Variants in TLE4 observed in about 807,000 individuals in gnomAD.
The protein encoded by TLE4 is transducin-like enhancer protein 4.
A neutral mutation model predicts 92.8 loss-of-function variants in TLE4; 8 were observed. The ratio of observed to expected loss-of-function variants is 0.09; its 90% CI spans 0.05 to 0.16. The LOEUF is 0.16. Ranked by LOEUF, TLE4 falls within the 10% of genes least tolerant of loss-of-function variation. The pLI, the probability that TLE4 is intolerant of heterozygous loss-of-function variation, is 1.00. For synonymous variants in TLE4, 371 were observed against 374.1 expected, an observed-to-expected ratio of 0.99 and a Z score of 0.10; for missense variants, 675 against 997.6, an observed-to-expected ratio of 0.68 and a Z score of 4.36.
At chr9:79,720,757 T>TA (rs1255721863) in intron 16 of TLE4, among the ~76,000 whole-genome samples, 1 of 152,128 alleles carries the variant, frequency 6.6e-6, no homozygotes, top group East Asian at 1.9e-4. Flanking sequence ...TTGAGTGCCA[T>TA]ACACATCTAA....
At chr9:79,655,446 ATTT>A (rs201030199) in intron 8 of TLE4, among the ~76,000 whole-genome samples, 1 of 151,546 alleles carries the variant, frequency 6.6e-6, no homozygotes, top group Non-Finnish European at 1.5e-5. Context: ...AATTAAAGGA[ATTT>A]TTTTTTCAGA....
chr9:79,617,884 A>G (rs1283977323), intron 5 of TLE4, among the ~76,000 whole-genome samples: 3 of 152,042 alleles, frequency 2.0e-5, no homozygotes, highest in Non-Finnish European at 2.9e-5. Context: ...AACAGTTGAC[A>G]GCGAAGCCAT....
At chr9:79,656,188 A>G (rs1232369216) in intron 8 of TLE4, among the ~76,000 whole-genome samples, 1 of 152,144 alleles carries the variant, frequency 6.6e-6, no homozygotes, top group African/African-American at 2.4e-5. Flanking sequence ...GTGTTCTGTG[A>G]TGCTCAGAGA....
chr9:79,708,738 A>AGCTGCTGCCGCCGCC lies in TLE4; in HGVS notation c.1224_1238dup (p.Ala411_Ala415dup). On this transcript the variant is annotated inframe_insertion, in exon 13 of 20. Transcript: ENST00000376552. ...ACAACATCTCCCCTCAGATGAGCGC[A>AGCTGCTGCCGCCGCC]GCTGCTGCCGCCGCCGCTGCTGCTG... 1.2e-6 allele frequency: 2 copies of AGCTGCTGCCGCCGCC among 1,610,626 alleles called. No homozygotes were observed. The highest frequency in any genetic ancestry group is 1.7e-6 in the Non-Finnish European group (2 of 1,179,886).
rs774367144 is a variant in TLE4 at position 79,612,636 on chromosome 9, C to A, written c.253-20C>A. 2 of 1,610,470 alleles carry A rather than the reference C, an allele frequency of 1.2e-6. No individual in the cohort carries two copies. Among genetic ancestry groups the A allele is most frequent in the Admixed American group, 1.7e-5 (1 of 59,866 alleles). On this transcript the variant is annotated intron_variant, in intron 4 of 19. Coordinates refer to ENST00000376552, the MANE Select transcript of TLE4 (RefSeq NM_007005.6). ...GCTGACTGTTCTCTTTATTGCTTTCCTTTCCCTTATTTTTTGCAGGCAGAG... is the reference window on the plus strand; with the variant it reads ...GCTGACTGTTCTCTTTATTGCTTTCATTTCCCTTATTTTTTGCAGGCAGAG...
intron 8 of TLE4, among the ~76,000 whole-genome samples, chr9:79,683,257 G>A (rs899033262): frequency 8.5e-5 from 13 of 152,148 alleles, no homozygotes; most frequent in Admixed American, 6.5e-4. Context: ...GTCTTCAAGA[G>A]TTGGCTGACT....
intron 4 of TLE4, among the ~76,000 whole-genome samples, chr9:79,603,520 T>TG (rs1432344777): frequency 5.3e-5 from 8 of 151,994 alleles, no homozygotes; most frequent in African/African-American, 1.7e-4. Flanking sequence ...TGTGTGTGTG[T>TG]TTTTTTTAAG....
intron 11 of TLE4, chr9:79,707,132 A>G (rs2071827386): frequency 1.9e-6 from 3 of 1,613,062 alleles, no homozygotes; most frequent in Non-Finnish European, 1.7e-6. Flanking sequence ...GAAGAGGGAT[A>G]TGGGGAAATT....
At chr9:79,706,639 G>T (rs2071653799) in intron 10 of TLE4, 108 bp from the exon 11 acceptor site, 2 of 1,371,594 alleles carry the variant, frequency 1.5e-6, no homozygotes, top group South Asian at 2.8e-5. Context: ...GCACATTTGT[G>T]CTTCTAAGCA....
intron 6 of TLE4, among the ~76,000 whole-genome samples, chr9:79,647,321 G>C (rs548556802): frequency 6.6e-6 from 1 of 152,250 alleles, no homozygotes; most frequent in East Asian, 1.9e-4. Context: ...ACCATAGTTT[G>C]AGTTCATTAA....
intron 6 of TLE4, among the ~76,000 whole-genome samples, chr9:79,645,538 G>A (rs776224065): frequency 1.3e-5 from 2 of 152,150 alleles, no homozygotes; most frequent in Non-Finnish European, 2.9e-5. Flanking sequence ...CTGACAGAAA[G>A]ACAACATTTC....
chr9:79,644,531 A>T (rs2057767971), intron 6 of TLE4, among the ~76,000 whole-genome samples: 1 of 152,220 alleles, frequency 6.6e-6, no homozygotes, highest in Non-Finnish European at 1.5e-5. Flanking sequence ...TGACTTGTTC[A>T]AACAGGTAAT....
chr9:79,682,891 CA>C (rs1193347550), intron 8 of TLE4, among the ~76,000 whole-genome samples: 9 of 152,156 alleles, frequency 5.9e-5, no homozygotes, highest in Non-Finnish European at 1.2e-4. Flanking sequence ...GTTGTGGTGA[CA>C]GTCTTCAGGT....
At chr9:79,669,452 C>T (rs189509549) in intron 8 of TLE4, among the ~76,000 whole-genome samples, 12 of 152,122 alleles carry the variant, frequency 7.9e-5, no homozygotes, top group Middle Eastern at 3.4e-3. Flanking sequence ...TGGAAGAGTG[C>T]GTTTCAGTGA....
intron 4 of TLE4, among the ~76,000 whole-genome samples, chr9:79,582,313 C>T (rs1323840872): frequency 6.6e-6 from 1 of 152,126 alleles, no homozygotes; most frequent in Non-Finnish European, 1.5e-5. Flanking sequence ...CCCCTTAATC[C>T]CTGCTGGATA....
intron 4 of TLE4, among the ~76,000 whole-genome samples, chr9:79,594,602 G>T (rs1315942865): frequency 6.6e-6 from 1 of 152,016 alleles, no homozygotes; most frequent in Non-Finnish European, 1.5e-5. Context: ...CAGCCTGACA[G>T]CTCTAGCTGG....
intron 5 of TLE4, among the ~76,000 whole-genome samples, chr9:79,620,869 T>C (rs2050788245): frequency 1.3e-5 from 2 of 151,740 alleles, no homozygotes; most frequent in South Asian, 4.2e-4. Flanking sequence ...GAAGGCGAAG[T>C]GGTGAAAGCA....
chr9:79,697,187 C>T (rs757197620), intron 8 of TLE4, among the ~76,000 whole-genome samples: 1 of 152,094 alleles, frequency 6.6e-6, no homozygotes, highest in Non-Finnish European at 1.5e-5. Context: ...AAATGTTAGA[C>T]TTTGCAAACT....
intron 2 of TLE4, chr9:79,573,998 G>C (rs566041627): frequency 1.3e-4 from 46 of 362,662 alleles, no homozygotes; most frequent in African/African-American, 8.1e-4. Context: ...TAAAAAGAAG[G>C]CAGAACAATC....
Sources: gnomAD v4.1 joint callset for allele counts (sites outside exome capture counted in the v4.1 genomes callset) on GRCh38, gnomAD v4.1.1 for gene constraint, MANE v1.5 for transcripts, NCBI Gene and HGNC (gene_info 2026-07-23, HGNC 2026-07-21) for gene names.